Variants in SACS observed in about 807,000 individuals in gnomAD.
SACS encodes sacsin molecular chaperone.
A neutral mutation model predicts 348.0 loss-of-function variants in SACS; 197 were observed. The observed-to-expected ratio is 0.57, with a 90% CI of 0.50 to 0.64. The LOEUF (loss-of-function observed/expected upper bound fraction) is 0.64, where lower values mean the gene tolerates loss of function less well. SACS is among the 30% of genes least tolerant of loss of function. SACS has a pLI of 0.00. For missense variants in SACS, 4,999 were observed against 5,360.8 expected (o/e 0.93, Z 2.11); for synonymous variants, 1,985 against 1,910.6 (o/e 1.04, Z -1.02).
At chr13:23,343,327 C>A (rs1419898937) in intron 9 of SACS, among the ~76,000 whole-genome samples, 1 of 152,152 alleles carries the variant, frequency 6.6e-6, no homozygotes, top group Non-Finnish European at 1.5e-5. Flanking sequence ...TAAAAAACAT[C>A]TCAAATTCGA....
intron 1 of SACS, among the ~76,000 whole-genome samples, chr13:23,432,788 G>A: frequency 6.6e-6 from 1 of 152,292 alleles, no homozygotes; most frequent in East Asian, 1.9e-4. Context: ...TGGGAAGCAC[G>A]TGGATTCAAC....
chr13:23,369,121 T>C (rs1183934696), intron 4 of SACS, among the ~76,000 whole-genome samples: 1 of 152,106 alleles, frequency 6.6e-6, no homozygotes, highest in Non-Finnish European at 1.5e-5. Flanking sequence ...CCAAAGCAAA[T>C]AAAATAAATG....
intron 1 of SACS, chr13:23,428,178 G>A (rs1593186900): frequency 1.3e-5 from 2 of 152,230 alleles, no homozygotes; most frequent in East Asian, 3.9e-4. Flanking sequence ...CATCCTTTTG[G>A]TTCAACCAAA....
At chr13:23,366,083 C>G (rs1735449183) in intron 5 of SACS, among the ~76,000 whole-genome samples, 1 of 152,110 alleles carries the variant, frequency 6.6e-6, no homozygotes, top group Admixed American at 6.6e-5. Flanking sequence ...TAGATCCAAC[C>G]CCATGATCAT....
At position 23,329,822 on chromosome 13, in the gene SACS, A is replaced by C; in HGVS notation, c.*314T>G. ...AAAATTAACTTCATCCTAACCAGAG[A>C]CATACATAGACTCTTATCTAACAAA... On this transcript the variant is annotated 3_prime_UTR_variant, in exon 10 of 10. Transcript: ENST00000382292. The C allele has an allele frequency of 2.1e-6, 1 of 482,608 alleles. No homozygotes were observed. The highest frequency in any genetic ancestry group is 2.5e-5 in the South Asian group (1 of 39,548). The allele number at this position is 482,608 out of a possible 1,614,324, so 29.9% of individuals were successfully genotyped here.
chr13:23,371,560 ATTAGT>A (rs1871393216), intron 3 of SACS, among the ~76,000 whole-genome samples: 1 of 152,238 alleles, frequency 6.6e-6, no homozygotes, highest in Non-Finnish European at 1.5e-5. Context: ...TTGTTTTTAA[ATTAGT>A]TTAGATGAAT....
chr13:23,348,806 T>C (rs1352812627), intron 9 of SACS, among the ~76,000 whole-genome samples: 1 of 152,092 alleles, frequency 6.6e-6, no homozygotes, highest in African/African-American at 2.4e-5. Context: ...ATGAGAAAAT[T>C]TTCATGCAGG....
At position 23,337,804 on chromosome 13, in the gene SACS, A is replaced by G. The variant is rs1372875763; in HGVS notation, c.6072T>C (p.Leu2024=). The G allele has an allele frequency of 6.2e-7, 1 of 1,613,920 alleles. No homozygotes were observed. The highest frequency in any genetic ancestry group is 8.5e-7 in the Non-Finnish European group (1 of 1,179,942). ...CCGAAGAAGGAAGTTCAACAGCACA[A>G]AGGTTTTTGGACCCAGTCTTCTTGA... ...KYLKKTGSKN[L]CAVELPSSVK... Residue 2024 remains leucine, a synonymous_variant, in exon 10 of 10, where the codon CTT becomes CTC. Transcript: ENST00000382292.
intron 2 of SACS, among the ~76,000 whole-genome samples, chr13:23,396,448 T>C (rs541935902): frequency 6.6e-6 from 1 of 152,300 alleles, no homozygotes; most frequent in South Asian, 2.1e-4. Context: ...AAGACTATTT[T>C]GGAATTATTG....
chr13:23,348,312 GA>G (rs1389045866), intron 9 of SACS, among the ~76,000 whole-genome samples: 6 of 152,164 alleles, frequency 3.9e-5, no homozygotes, highest in Non-Finnish European at 8.8e-5. Context: ...TGGTTGTAAA[GA>G]ATAAACAAGA....
intron 2 of SACS, among the ~76,000 whole-genome samples, chr13:23,404,511 AC>A: frequency 6.6e-6 from 1 of 152,316 alleles, no homozygotes; most frequent in Admixed American, 6.5e-5. Context: ...GAAAACCGGC[AC>A]AAGACAAGGA....
chr13:23,341,570 T>C lies in SACS; in HGVS notation c.2306A>G (p.Glu769Gly). ...ELIVQWYPFD[E>G]NRNHPSVSWL... ...TGAAACAGATGGGTGATTTCTGTTT[T>C]CATCAAATGGATACCATTGAACAAT... The change falls in exon 10 of 10, where the codon GAA becomes GGA. Residue 769 changes from glutamate (E) to glycine (G), a missense_variant. Glu to Gly is a moderately conservative substitution (Grantham distance 98, BLOSUM62 -2). Coordinates refer to ENST00000382292, the MANE Select transcript of SACS (RefSeq NM_014363.6). 1 of 1,614,110 alleles carries C rather than the reference T, an allele frequency of 6.2e-7. No individual in the cohort carries two copies. The highest frequency in any genetic ancestry group is 8.5e-7 in the Non-Finnish European group (1 of 1,180,004).
chr13:23,401,559 G>A (rs532009678), intron 2 of SACS, among the ~76,000 whole-genome samples: 3 of 152,282 alleles, frequency 2.0e-5, no homozygotes, highest in Admixed American at 6.5e-5. Context: ...TGTCATGGAC[G>A]GATCCTCAAC....
At position 23,336,053 on chromosome 13, in the gene SACS, C is replaced by T; in HGVS notation, c.7823G>A (p.Gly2608Glu). The change falls in exon 10 of 10, where the codon GGA (glycine) becomes GAA (glutamate). Residue 2608 changes from glycine to glutamate, a missense_variant. Coordinates refer to ENST00000382292, the MANE Select transcript of SACS (RefSeq NM_014363.6). ...EDDVRGIQNL[G>E]KGTKEGNPYK... ...AGGATTTCCCTCTTTCGTGCCTTTT[C>T]CAAGATTCTGAATTCCTCTAACATC... 3 of 1,612,198 alleles carry T rather than the reference C, an allele frequency of 1.9e-6. No homozygotes were observed. Among genetic ancestry groups the T allele is most frequent in the Non-Finnish European group, 2.5e-6 (3 of 1,178,444 alleles).
intron 2 of SACS, among the ~76,000 whole-genome samples, chr13:23,393,124 C>A (rs1283214466): frequency 6.6e-6 from 1 of 152,182 alleles, no homozygotes; most frequent in Non-Finnish European, 1.5e-5. Flanking sequence ...CCTGGACCAA[C>A]AGGCTCAAAT....
intron 9 of SACS, among the ~76,000 whole-genome samples, chr13:23,350,697 CA>C (rs1869893155): frequency 6.6e-6 from 1 of 152,058 alleles, no homozygotes; most frequent in South Asian, 2.1e-4. Flanking sequence ...TTATGTAGAG[CA>C]AAAAATATCA....
At position 23,333,301 on chromosome 13, in the gene SACS, CA is replaced by C; in HGVS notation, c.10574del (p.Leu3525Ter). 6.2e-7 allele frequency: 1 copy of C among 1,604,982 alleles called. No homozygotes were observed. Among genetic ancestry groups the C allele is most frequent in the Non-Finnish European group, 8.5e-7 (1 of 1,177,146 alleles). ...EQLFEKLESL[L>X]IIHDANSRLK... ...GTCTACTGTTAGCATCATGGATTAT[CA>C]ATAAACTTTCCAGTTTTTCAAAAAG... On this transcript the variant is annotated frameshift_variant, in exon 10 of 10. Transcript: ENST00000382292. LOFTEE classifies it high-confidence loss of function.
chr13:23,384,752 G>A (rs1872203190), intron 2 of SACS, among the ~76,000 whole-genome samples: 1 of 152,130 alleles, frequency 6.6e-6, no homozygotes, highest in Non-Finnish European at 1.5e-5. Context: ...ATTCATGCAG[G>A]ATCTAAAACT....
chr13:23,332,984 T>A lies in SACS; in HGVS notation c.10892A>T (p.His3631Leu). ...LQNTVDILLH[H>L]IFQERMDLLS... is the part of the protein sequence containing the mutation. ...CAAATCCATTCGTTCTTGGAATATA[T>A]GATGCAGAAGGATATCAACTGTATT... is the stretch of plus-strand genomic sequence containing the variant. The change falls in exon 10 of 10, where the codon CAT (histidine) becomes CTT (leucine). Residue 3631 changes from histidine to leucine, a missense_variant. Coordinates refer to ENST00000382292, the MANE Select transcript of SACS (RefSeq NM_014363.6). 6.2e-7 allele frequency: 1 copy of A among 1,613,914 alleles called. No homozygotes were observed. Among genetic ancestry groups the A allele is most frequent in the Non-Finnish European group, 8.5e-7 (1 of 1,179,882 alleles).
Sources: gnomAD v4.1 joint callset for allele counts (sites outside exome capture counted in the v4.1 genomes callset) on GRCh38, gnomAD v4.1.1 for gene constraint, MANE v1.5 for transcripts, NCBI Gene and HGNC (gene_info 2026-07-23, HGNC 2026-07-21) for gene names.